KCNA2: variants seen among roughly 807,000 people sequenced by gnomAD.
KCNA2 encodes the protein potassium voltage-gated channel subfamily A member 2, also known as potassium channel, voltage gated shaker related subfamily A, member 2.
In KCNA2, 11 loss-of-function variants were observed where a neutral mutation model predicts 33.4. That is an observed-to-expected ratio of 0.33 (90% CI 0.21 to 0.55). KCNA2 has a LOEUF of 0.55. Among genes scored for constraint, KCNA2 ranks in the 20% least tolerant of loss-of-function variants. The pLI is 0.93. For synonymous variants in KCNA2, 222 were observed against 231.3 expected (o/e 0.96, Z 0.37); for missense variants, 291 against 621.6 (o/e 0.47, Z 5.66).
At chr1:110,620,868 C>T (rs949910702) in intron 1 of KCNA2, among the ~76,000 whole-genome samples, 6 of 152,192 alleles carry the variant, frequency 3.9e-5, no homozygotes, top group Admixed American at 3.9e-4. Flanking sequence ...GTGCGTCTAT[C>T]CACCGTTAAC....
At position 110,603,903 on chromosome 1, in the gene KCNA2, G is replaced by A. The variant is rs941480281; in HGVS notation, c.880C>T (p.Arg294Cys). 6.2e-7 allele frequency: 1 copy of A among 1,614,200 alleles called. No homozygotes were observed. The highest frequency in any genetic ancestry group is 2.2e-5 in the East Asian group (1 of 44,890). Reference sequence around the variant, plus strand: ...AAGACTCTTACCAACCGGATGACACGGAGGATGGCCAGTGACATGGCCTGC... The same window carrying A: ...AAGACTCTTACCAACCGGATGACACAGAGGATGGCCAGTGACATGGCCTGC... The part of the protein sequence containing the change: ...GQQAMSLAIL[R>C]VIRLVRVFRI... Residue 294 changes from arginine (R) to cysteine (C), a missense_variant, in exon 3 of 3, where the codon CGT becomes TGT. Transcript: ENST00000316361. The surrounding 1 kb of genome is among the most constrained non-coding windows in gnomAD (Gnocchi z 5.7).
chr1:110,623,732 C>T (rs1650317541), intron 1 of KCNA2, among the ~76,000 whole-genome samples: 1 of 152,068 alleles, frequency 6.6e-6, no homozygotes, highest in African/African-American at 2.4e-5. Flanking sequence ...AAGGAACTCA[C>T]ATGCAGAATA....
At position 110,598,271 on chromosome 1, in the gene KCNA2, G is replaced by A; in HGVS notation, c.*5012C>T. 3 of 699,178 alleles carry A rather than the reference G, an allele frequency of 4.3e-6. No homozygotes were observed. Among genetic ancestry groups the A allele is most frequent in the Non-Finnish European group, 5.3e-6 (3 of 568,584 alleles). The allele number at this position is 699,178 out of a possible 1,614,324, so 43.3% of individuals were successfully genotyped here. ...GGCCCCAGGAAAGCTCTGGGGAGCAGAGCTCAGCACCATCATCCCCTCTCT... is the reference window on the plus strand; with the variant it reads ...GGCCCCAGGAAAGCTCTGGGGAGCAAAGCTCAGCACCATCATCCCCTCTCT... On this transcript the variant is annotated 3_prime_UTR_variant, in exon 3 of 3. Coordinates refer to ENST00000316361, the MANE Select transcript of KCNA2 (RefSeq NM_004974.4).
At chr1:110,605,001 T>C (rs1649535328) in intron 2 of KCNA2, 56 bp from the exon 3 acceptor site, 4 of 543,856 alleles carry the variant, frequency 7.4e-6, no homozygotes, top group African/African-American at 5.7e-5. Flanking sequence ...CAGCCTGACC[T>C]GGGTTGCCAC....
intron 1 of KCNA2, among the ~76,000 whole-genome samples, chr1:110,618,502 C>T (rs1650145020): frequency 6.6e-6 from 1 of 152,142 alleles, no homozygotes; most frequent in South Asian, 2.1e-4. Flanking sequence ...TCTGTGTGGG[C>T]TTCCTTTCCT....
Position 110,629,447 on chromosome 1 carries a change from T to G in KCNA2, c.-496+1948A>C, listed in dbSNP as rs1161444721. On this transcript the variant is annotated intron_variant, in intron 1 of 4. Transcript: ENST00000369770. ...TAAATGGAGGTGCCACTGTAGAACA[T>G]TTATCAAAGGATCTGGTGTGATAGC... Among the ~76,000 whole-genome samples the G allele has an allele frequency of 2.6e-5, 4 of 152,238 alleles. No homozygotes were observed. In the East Asian group the frequency reaches 7.7e-4, roughly 29 times the overall value.
upstream of KCNA2, chr1:110,608,101 G>T (rs1649742556): frequency 6.6e-6 from 1 of 152,326 alleles, no homozygotes; most frequent in Non-Finnish European, 1.5e-5. Context: ...CACAAAACGG[G>T]CCCTCTGGCA....
chr1:110,593,829 T>G lies in KCNA2; in HGVS notation c.*9454A>C, dbSNP rs932450645. ...ACACAGGAACTCTCAGCTGCAGAAG[T>G]CCTGGGTGGGGCAGTGTTGGTGGGG... On this transcript the variant is annotated 3_prime_UTR_variant, in exon 3 of 3. Transcript: ENST00000316361. 6.5e-7 allele frequency: 1 copy of G among 1,545,628 alleles called. No homozygotes were observed. The highest frequency in any genetic ancestry group is 8.7e-7 in the Non-Finnish European group (1 of 1,144,394).
chr1:110,597,079 A>G lies in KCNA2; in HGVS notation c.*6204T>C. ...CCTGTAGACTTCTACTGAAACCCAC[A>G]AGAACCTGCTTCCTTCTGCAGCTCT... On this transcript the variant is annotated 3_prime_UTR_variant, in exon 3 of 3. Transcript: ENST00000316361. 2 of 985,440 alleles carry G rather than the reference A, an allele frequency of 2.0e-6. No homozygotes were observed. Among genetic ancestry groups the G allele is most frequent in the South Asian group, 4.7e-5 (1 of 21,290 alleles). The allele number at this position is 985,440 out of a possible 1,614,324, so 61.0% of individuals were successfully genotyped here. A position where few individuals can be genotyped will look rare whatever the true frequency, so the allele number is the denominator to read the frequency against.
rs1351979386 is a variant in KCNA2, at chr1:110,597,984, G to C, written c.*5299C>G. 1 of 985,190 alleles carries C rather than the reference G, an allele frequency of 1.0e-6. No individual in the cohort carries two copies. The highest frequency in any genetic ancestry group is 6.1e-5 in the Admixed American group (1 of 16,262). 61.0% of individuals were successfully genotyped at this position (985,190 alleles called of 1,614,324 possible). A position where few individuals can be genotyped will look rare whatever the true frequency, so the allele number is the denominator to read the frequency against. ...GCTGGTTGCTTTGATAGGGGAACAGGGTTGGACTCAACAAGGGCTAAGTCT... is the reference window on the plus strand; with the variant it reads ...GCTGGTTGCTTTGATAGGGGAACAGCGTTGGACTCAACAAGGGCTAAGTCT... On this transcript the variant is annotated 3_prime_UTR_variant, in exon 3 of 3. Transcript: ENST00000316361.
At chr1:110,626,944 G>A (rs1017508768) in intron 1 of KCNA2, among the ~76,000 whole-genome samples, 3 of 152,230 alleles carry the variant, frequency 2.0e-5, no homozygotes, top group Non-Finnish European at 2.9e-5. Context: ...AGAATGTGAT[G>A]ACGATGACGA....
At position 110,598,500 on chromosome 1, in the gene KCNA2, G is replaced by A; in HGVS notation, c.*4783C>T. 1 of 985,350 alleles carries A rather than the reference G, an allele frequency of 1.0e-6. No homozygotes were observed. Among genetic ancestry groups the A allele is most frequent in the South Asian group, 4.7e-5 (1 of 21,270 alleles). 61.0% of individuals were successfully genotyped at this position (985,350 alleles called of 1,614,324 possible). A position where few individuals can be genotyped will look rare whatever the true frequency, so the allele number is the denominator to read the frequency against. On this transcript the variant is annotated 3_prime_UTR_variant, in exon 3 of 3. Coordinates refer to ENST00000316361, the MANE Select transcript of KCNA2 (RefSeq NM_004974.4). Reference sequence around the variant, plus strand: ...CTCTCCACATGGGTTGATACTGATAGAGTCCTCACTATAATATAGTGAGAG... The same window carrying A: ...CTCTCCACATGGGTTGATACTGATAAAGTCCTCACTATAATATAGTGAGAG...
rs547937950 is a variant in KCNA2 at position 110,600,190 on chromosome 1, G to A, written c.*3093C>T. On this transcript the variant is annotated 3_prime_UTR_variant, in exon 3 of 3. Transcript: ENST00000316361. ...GGCAGGGCAATGGGTCTGAGTATAT[G>A]TCTGCATTTCATGTGTATTGTGCGA... 4.9e-4 allele frequency: 480 copies of A among 983,132 alleles called. 7 individuals are homozygous for A. In the South Asian group the frequency reaches 0.021, roughly 42 times the overall value. The allele number at this position is 983,132 out of a possible 1,614,324, so 60.9% of individuals were successfully genotyped here.
intron 1 of KCNA2, among the ~76,000 whole-genome samples, chr1:110,622,908 T>C (rs1238732140): frequency 6.6e-6 from 1 of 152,200 alleles, no homozygotes; most frequent in Non-Finnish European, 1.5e-5. Context: ...TCTTCTTAAA[T>C]TAATCCACAT....
In KCNA2 at chr1:110,600,807, A is replaced by G. The variant is rs1050195164; in HGVS notation, c.*2476T>C. 2.5e-5 allele frequency: 25 copies of G among 985,310 alleles called. No individual in the cohort carries two copies. The highest frequency in any genetic ancestry group is 3.0e-5 in the Non-Finnish European group (25 of 829,954). 61.0% of individuals were successfully genotyped at this position (985,310 alleles called of 1,614,324 possible). A position where few individuals can be genotyped will look rare whatever the true frequency, so the allele number is the denominator to read the frequency against. The stretch of plus-strand genomic sequence containing the variant: ...ACAGAGGCTTTGTGCTGGGCATGGG[A>G]TGCCCTGCAGATACCTGGGGATGTG... On this transcript the variant is annotated 3_prime_UTR_variant, in exon 3 of 3. Coordinates refer to ENST00000316361, the MANE Select transcript of KCNA2 (RefSeq NM_004974.4).
rs1177397709 is a variant in KCNA2 at position 110,604,160 on chromosome 1, C to T, written c.623G>A (p.Ser208Asn). The T allele has an allele frequency of 6.2e-7, 1 of 1,614,174 alleles. No homozygotes were observed. The highest frequency in any genetic ancestry group is 8.5e-7 in the Non-Finnish European group (1 of 1,180,034). ...AGTGGACTGCTGGTACCCGATGGTG[C>T]TGTTGGAATAGGTGTGGAAGGTCAC... ...SGVTFHTYSNSTIGYQQSTSF... is the reference protein window; with the variant it reads ...SGVTFHTYSNNTIGYQQSTSF... Residue 208 changes from serine to asparagine, a missense_variant, in exon 3 of 3, where the codon AGC becomes AAC. Transcript: ENST00000316361. This position sits in a 1 kb window ranked among gnomAD's most constrained non-coding sequence, Gnocchi z 7.6.
Position 110,600,942 on chromosome 1 carries a change from C to T in KCNA2, c.*2341G>A, listed in dbSNP as rs61784709. ...GCAGCAGTGAGGCCTGGGCTGGAGC[C>T]ACCCCTGCATAGCCCGACCCCTGCA... is the stretch of plus-strand genomic sequence containing the variant. On this transcript the variant is annotated 3_prime_UTR_variant, in exon 3 of 3. Transcript: ENST00000316361. The T allele has an allele frequency of 0.066, 65,025 of 985,428 alleles. 2,249 individuals are homozygous for T. Among genetic ancestry groups the T allele is most frequent in the Middle Eastern group, 0.089 (171 of 1,914 alleles). The allele number at this position is 985,428 out of a possible 1,614,324, so 61.0% of individuals were successfully genotyped here. A position where few individuals can be genotyped will look rare whatever the true frequency, so the allele number is the denominator to read the frequency against.
At chr1:110,630,899 A>C (rs137996225) in intron 1 of KCNA2, among the ~76,000 whole-genome samples, 14 of 152,294 alleles carry the variant, frequency 9.2e-5, no homozygotes, top group South Asian at 2.1e-4. Context: ...CCAGGCAGCC[A>C]GCCCCGGAAC....
In KCNA2 at chr1:110,604,193, C is replaced by A; in HGVS notation, c.590G>T (p.Gly197Val). ...ATAGGTGTGGAAGGTCACCCCACTA[C>A]CATGCATGTCTTCATTCTCATCCCG... is the stretch of plus-strand genomic sequence containing the variant. ...IFRDENEDMHGSGVTFHTYSN... is the reference protein window; with the variant it reads ...IFRDENEDMHVSGVTFHTYSN... Residue 197 changes from glycine (G) to valine (V), a missense_variant, in exon 3 of 3, where the codon GGT (glycine) becomes GTT (valine). Physicochemically the swap from Gly to Val is moderately radical, Grantham distance 109. Transcript: ENST00000316361. The surrounding 1 kb of genome is among the most constrained non-coding windows in gnomAD (Gnocchi z 7.6). The A allele has an allele frequency of 6.2e-7, 1 of 1,614,178 alleles. No homozygotes were observed. The highest frequency in any genetic ancestry group is 8.5e-7 in the Non-Finnish European group (1 of 1,180,026).
Sources: gnomAD v4.1 joint callset for allele counts (sites outside exome capture counted in the v4.1 genomes callset) on GRCh38, gnomAD v4.1.1 for gene constraint, Gnocchi (gnomAD v3.1) non-coding constraint, MANE v1.5 for transcripts, NCBI Gene and HGNC (gene_info 2026-07-23, HGNC 2026-07-21) for gene names.